MADD: variants seen among roughly 807,000 people sequenced by gnomAD.
MADD encodes the protein MAP kinase-activating death domain protein.
In MADD, 109 loss-of-function variants were observed where a neutral mutation model predicts 176.7. The ratio of observed to expected loss-of-function variants is 0.62; its 90% CI spans 0.53 to 0.72. The LOEUF (loss-of-function observed/expected upper bound fraction) is 0.72. MADD is among the 30% of genes least tolerant of loss of function. The probability of loss-of-function intolerance (pLI) is 0.00; values close to 1 mark genes in which losing one functional copy is unlikely to be tolerated. For synonymous variants in MADD, 771 were observed against 771.3 expected (o/e 1.00, Z 0.01); for missense variants, 1,914 against 2,045.5 (o/e 0.94, Z 1.24).
At chr11:47,308,907 A>G (rs2085497230) in intron 23 of MADD, 73 bp from the exon 26 acceptor site, 2 of 1,436,470 alleles carry the variant, frequency 1.4e-6, no homozygotes, top group Non-Finnish European at 2.0e-6. Flanking sequence ...GTGTTAATCA[A>G]CAGCCTTTGC....
At chr11:47,284,117 T>G in intron 10 of MADD, 61 bp from the exon 11 acceptor site, 3 of 1,070,798 alleles carry the variant, frequency 2.8e-6, no homozygotes, top group Non-Finnish European at 4.4e-6. Context: ...CTGGTGCTGA[T>G]TGTAGGTGTT....
intron 27 of MADD, among the ~76,000 whole-genome samples, chr11:47,322,780 G>A (rs1000000184): frequency 6.6e-6 from 1 of 152,114 alleles, no homozygotes; most frequent in Non-Finnish European, 1.5e-5. Flanking sequence ...TAGAAAAAGG[G>A]TAGACCCAGG....
At chr11:47,276,600 G>T in intron 4 of MADD, 132 bp from the exon 5 acceptor site, 1 of 1,047,954 alleles carries the variant, frequency 9.5e-7, no homozygotes, top group East Asian at 2.4e-5. Flanking sequence ...GGTGGGGCAG[G>T]GGGCAGTGGG....
chr11:47,315,281 T>C, exon 27 of MADD: 1 of 1,613,926 alleles, frequency 6.2e-7, no homozygotes, highest in Non-Finnish European at 8.5e-7. Context: ...CAGACATTTG[T>C]GGTACATGCA....
At chr11:47,275,737 A>G (rs1446374521) in intron 3 of MADD, among the ~76,000 whole-genome samples, 162 bp from the exon 4 acceptor site, 1 of 152,222 alleles carries the variant, frequency 6.6e-6, no homozygotes, top group Non-Finnish European at 1.5e-5. Context: ...TGCTTTTGCC[A>G]TTGTATATAC....
chr11:47,273,781 C>T, intron 1 of MADD, 46 bp from the exon 2 acceptor site: 3 of 705,344 alleles, frequency 4.3e-6, no homozygotes. Flanking sequence ...GGGATGAGTC[C>T]CTTAGGCACA....
chr11:47,315,346 TG>T lies in MADD; in HGVS notation c.4197+24del. Reference sequence around the variant, plus strand: ...CATGGAGGTAGGTGCTGGTTCATGCTGGGGGCCCAAAGGGCTATTGAGAGTC... The same window carrying T: ...CATGGAGGTAGGTGCTGGTTCATGCTGGGGCCCAAAGGGCTATTGAGAGTC... On this transcript the variant is annotated intron_variant, in intron 27 of 32. Coordinates refer to ENST00000402192, the Ensembl canonical transcript of MADD. 6.6e-7 allele frequency: 1 copy of T among 1,525,498 alleles called. No homozygotes were observed. The highest frequency in any genetic ancestry group is 9.1e-7 in the Non-Finnish European group (1 of 1,099,984). 94.5% of individuals were successfully genotyped at this position (1,525,498 alleles called of 1,614,324 possible). A position where few individuals can be genotyped will look rare whatever the true frequency, so the allele number is the denominator to read the frequency against.
rs1275026281 is a variant in MADD at position 47,282,893 on chromosome 11, G to A, written c.1786G>A (p.Asp596Asn). 5 of 1,614,100 alleles carry A rather than the reference G, an allele frequency of 3.1e-6. No individual in the cohort carries two copies. The East Asian group carries it at 6.7e-5, about 22-fold the overall frequency. Residue 596 changes from aspartate (D) to asparagine (N), a missense_variant, in exon 10 of 33, where the codon GAC (aspartate) becomes AAC (asparagine). Physicochemically the swap from Asp to Asn is conservative, Grantham distance 23. Coordinates refer to ENST00000402192, the Ensembl canonical transcript of MADD. ...GCAGCCTATCCACTATCGCGTCTATGACAGCAATTCCCAGCTGGCTGAGGC... is the reference window on the plus strand; with the variant it reads ...GCAGCCTATCCACTATCGCGTCTATAACAGCAATTCCCAGCTGGCTGAGGC...
At chr11:47,280,596 ACT>A in intron 7 of MADD, among the ~76,000 whole-genome samples, 1 of 152,032 alleles carries the variant, frequency 6.6e-6, no homozygotes, top group Non-Finnish European at 1.5e-5. Context: ...ATGGAGTCCC[ACT>A]CTGTCACCCA....
chr11:47,316,172 C>T (rs1476559189), intron 27 of MADD, among the ~76,000 whole-genome samples: 3 of 57,914 alleles, frequency 5.2e-5, no homozygotes, highest in South Asian at 7.2e-4. Flanking sequence ...CACACACACG[C>T]GCACACACAT....
chr11:47,307,703 C>G (rs2084108557), intron 22 of MADD, among the ~76,000 whole-genome samples: 2 of 151,448 alleles, frequency 1.3e-5, no homozygotes. Flanking sequence ...GAGTCTCACT[C>G]TGTCACCCAA....
chr11:47,287,291 C>T (rs1251319065), intron 15 of MADD, among the ~76,000 whole-genome samples: 1 of 152,186 alleles, frequency 6.6e-6, no homozygotes, highest in Non-Finnish European at 1.5e-5. Flanking sequence ...CACTGCACTC[C>T]AGCCTGGGTG....
chr11:47,274,548 C>G lies in MADD; in HGVS notation c.63-15C>G. The G allele has an allele frequency of 1.3e-6, 2 of 1,594,152 alleles. No individual in the cohort carries two copies. The highest frequency in any genetic ancestry group is 1.7e-6 in the Non-Finnish European group (2 of 1,164,222). On this transcript the variant is annotated splice_polypyrimidine_tract_variant and intron_variant, in intron 2 of 32. Coordinates refer to ENST00000402192, the Ensembl canonical transcript of MADD. ...CATCCCTTCAGGCTGCTGAATTTGT[C>G]TTTATGTTCTTCAGGCACCCGAGCA...
chr11:47,278,426 T>A, intron 6 of MADD, 148 bp downstream of exon 6: 2 of 623,344 alleles, frequency 3.2e-6, no homozygotes, highest in Non-Finnish European at 5.7e-6. Flanking sequence ...CAAGTTTTTT[T>A]AAATGCTCCT....
intron 22 of MADD, among the ~76,000 whole-genome samples, chr11:47,306,146 T>C (rs936998500): frequency 5.3e-5 from 8 of 152,082 alleles, no homozygotes; most frequent in Non-Finnish European, 8.8e-5. Flanking sequence ...ACTGTTTTCA[T>C]AGTGGATAGG....
chr11:47,323,522 G>A, intron 27 of MADD, 149 bp from the exon 31 acceptor site: 1 of 690,306 alleles, frequency 1.4e-6, no homozygotes, highest in Non-Finnish European at 2.4e-6. Flanking sequence ...CAGTAGTTCT[G>A]TTTTGTGTCT....
intron 22 of MADD, among the ~76,000 whole-genome samples, chr11:47,296,468 G>A (rs569510404): frequency 1.3e-5 from 2 of 152,222 alleles, no homozygotes; most frequent in African/African-American, 4.8e-5. Flanking sequence ...AAATAAAATA[G>A]CATTTTATTT....
At chr11:47,290,203 C>A in exon 18 of MADD, 1 of 1,614,120 alleles carries the variant, frequency 6.2e-7, no homozygotes, top group Non-Finnish European at 8.5e-7. Context: ...GTGTACAGTC[C>A]TCAGCTTGGA....
chr11:47,280,003 GA>G (rs1475319775), intron 7 of MADD, among the ~76,000 whole-genome samples: 1 of 152,152 alleles, frequency 6.6e-6, no homozygotes, highest in Non-Finnish European at 1.5e-5. Context: ...CCAGGAGGCA[GA>G]GGTTGCAGTG....
Sources: gnomAD v4.1 joint callset for allele counts (sites outside exome capture counted in the v4.1 genomes callset) on GRCh38, gnomAD v4.1.1 for gene constraint, MANE v1.5 for transcripts, NCBI Gene and HGNC (gene_info 2026-07-23, HGNC 2026-07-21) for gene names.